The following ZNF804B variants were observed in gnomAD, a reference collection of about 807,000 sequenced individuals.
ZNF804B encodes the protein zinc finger 804B.
ZNF804B carries 80 observed loss-of-function variants against 101.4 expected under a neutral mutation model. The observed-to-expected ratio is 0.79, with a 90% CI of 0.66 to 0.95. The LOEUF is 0.95. Ranked by LOEUF, ZNF804B falls within the 40% of genes least tolerant of loss-of-function variation. ZNF804B has a pLI of 0.00. For missense variants in ZNF804B, 1,673 were observed against 1,561.9 expected (o/e 1.07, Z -1.20); for synonymous variants, 622 against 558.8 (o/e 1.11, Z -1.59).
chr7:89,032,700 A>G lies in ZNF804B; in HGVS notation c.109-185455A>G, dbSNP rs549751374. On this transcript the variant is annotated intron_variant, in intron 1 of 3. Coordinates refer to ENST00000333190, the MANE Select transcript of ZNF804B (RefSeq NM_181646.5). ...AGCCTTGAGGATGAAAGTCAGTTTG[A>G]AAATAAGAGAGACATCAGGGAGTAG... 2.8e-4 allele frequency among the ~76,000 whole-genome samples: 43 copies of G among 152,226 alleles called. 2 individuals carry two copies. The South Asian group carries it at 8.5e-3, about 30-fold the overall frequency.
chr7:89,151,030 A>G (rs1246005643), intron 1 of ZNF804B, among the ~76,000 whole-genome samples: 6 of 152,198 alleles, frequency 3.9e-5, no homozygotes, highest in Admixed American at 2.6e-4. Flanking sequence ...AGAACTATTA[A>G]TAGTACAGCT....
chr7:88,876,134 C>T (rs1285663306), intron 1 of ZNF804B, among the ~76,000 whole-genome samples: 1 of 152,034 alleles, frequency 6.6e-6, no homozygotes. Flanking sequence ...GAAATCATGT[C>T]CCCTCTTTAC....
intron 2 of ZNF804B, among the ~76,000 whole-genome samples, chr7:89,282,298 A>G (rs900948388): frequency 2.0e-5 from 3 of 152,044 alleles, no homozygotes; most frequent in Non-Finnish European, 2.9e-5. Flanking sequence ...TACCAAATTC[A>G]TGACTATGAA....
At chr7:89,178,314 T>TA (rs397752634) in intron 1 of ZNF804B, among the ~76,000 whole-genome samples, 2 of 143,642 alleles carry the variant, frequency 1.4e-5, no homozygotes, top group Non-Finnish European at 1.6e-5. Flanking sequence ...ATTTTTTTTT[T>TA]CTGGTGGTTT....
intron 1 of ZNF804B, among the ~76,000 whole-genome samples, chr7:88,880,102 G>A (rs1792010895): frequency 6.6e-6 from 1 of 151,814 alleles, no homozygotes; most frequent in South Asian, 2.1e-4. Flanking sequence ...AATAAAAGTT[G>A]TTCTGTGACA....
chr7:89,234,570 T>A (rs183030362), intron 2 of ZNF804B, among the ~76,000 whole-genome samples: 1 of 152,228 alleles, frequency 6.6e-6, no homozygotes, highest in East Asian at 1.9e-4. Context: ...GTGAGGGCAT[T>A]TCCAGAGGAA....
At chr7:88,948,473 C>T (rs992811226) in intron 1 of ZNF804B, among the ~76,000 whole-genome samples, 1 of 151,636 alleles carries the variant, frequency 6.6e-6, no homozygotes, top group Non-Finnish European at 1.5e-5. Flanking sequence ...AAAGAAATAC[C>T]TGGTAACTGA....
intron 1 of ZNF804B, among the ~76,000 whole-genome samples, chr7:88,850,448 T>C (rs1040917425): frequency 6.6e-6 from 1 of 152,110 alleles, no homozygotes; most frequent in African/African-American, 2.4e-5. Flanking sequence ...AGTGCGTGTA[T>C]ATGTGAAAAT....
At chr7:88,863,121 C>T (rs1562815755) in intron 1 of ZNF804B, among the ~76,000 whole-genome samples, 1 of 152,190 alleles carries the variant, frequency 6.6e-6, no homozygotes, top group Non-Finnish European at 1.5e-5. Flanking sequence ...CACTATGCTA[C>T]AGCAACACTT....
intron 2 of ZNF804B, among the ~76,000 whole-genome samples, chr7:89,303,674 A>T (rs1266871621): frequency 6.6e-6 from 1 of 151,952 alleles, no homozygotes; most frequent in East Asian, 1.9e-4. Flanking sequence ...ATTATATCTG[A>T]CATGTGAAAA....
rs1429786060 is a variant in ZNF804B, at chr7:89,298,257, T to TATAC, written c.250-29086_250-29085insTACA. On this transcript the variant is annotated intron_variant, in intron 2 of 3. Transcript: ENST00000333190. Reference sequence around the variant, plus strand: ...ATATATATATATATATATATATATATACTTTAAGTTCTAGGTTACATGTGC... The same window carrying TATAC: ...ATATATATATATATATATATATATATATACACTTTAAGTTCTAGGTTACATGTGC... Among the ~76,000 whole-genome samples the TATAC allele has an allele frequency of 3.9e-3, 420 of 108,212 alleles. 3 individuals carry two copies. Among genetic ancestry groups the TATAC allele is most frequent in the East Asian group, 0.022 (27 of 1,236 alleles). The allele number at this position is 108,212 out of a possible 152,430, so 71.0% of individuals were successfully genotyped here.
chr7:88,917,456 A>G (rs1301737411), intron 1 of ZNF804B, among the ~76,000 whole-genome samples: 2 of 152,042 alleles, frequency 1.3e-5, no homozygotes, highest in Admixed American at 6.6e-5. Flanking sequence ...TCTGTCATGA[A>G]CCTTCTATAG....
intron 1 of ZNF804B, among the ~76,000 whole-genome samples, chr7:89,033,704 T>A (rs1414375185): frequency 6.6e-6 from 1 of 152,114 alleles, no homozygotes; most frequent in Non-Finnish European, 1.5e-5. Flanking sequence ...AGGAAAAGAA[T>A]ACCTTTCCTG....
At chr7:89,003,728 G>A (rs1334914473) in intron 1 of ZNF804B, among the ~76,000 whole-genome samples, 1 of 151,772 alleles carries the variant, frequency 6.6e-6, no homozygotes, top group Non-Finnish European at 1.5e-5. Context: ...TGAGTGCCTC[G>A]TGCTGCCTCT....
Position 88,867,167 on chromosome 7 carries a change from G to A in ZNF804B, c.108+107083G>A, listed in dbSNP as rs550790765. ...TTGCTGTATTAGGGTTCTCCAGAGA[G>A]ACAGACCAATAGGAGATATATATAT... On this transcript the variant is annotated intron_variant, in intron 1 of 3. Transcript: ENST00000333190. Among the ~76,000 whole-genome samples, 14 of 152,286 alleles carry A rather than the reference G, an allele frequency of 9.2e-5. No individual in the cohort carries two copies. In the South Asian group the frequency reaches 2.9e-3, roughly 32 times the overall value.
chr7:89,321,959 G>A (rs1377524531), intron 2 of ZNF804B, among the ~76,000 whole-genome samples: 1 of 152,052 alleles, frequency 6.6e-6, no homozygotes, highest in Non-Finnish European at 1.5e-5. Context: ...GATGAAAAGT[G>A]GGATATTTCA....
At chr7:88,959,866 G>T (rs927025978) in intron 1 of ZNF804B, among the ~76,000 whole-genome samples, 2 of 151,390 alleles carry the variant, frequency 1.3e-5, no homozygotes, top group African/African-American at 4.8e-5. Flanking sequence ...CCTTTTACAG[G>T]TCATGCTCCT....
chr7:88,870,237 T>C (rs1027068471), intron 1 of ZNF804B, among the ~76,000 whole-genome samples: 2 of 149,942 alleles, frequency 1.3e-5, no homozygotes, highest in Admixed American at 1.3e-4. Context: ...ATACAAAAAT[T>C]AGCCGGGCAT....
At chr7:89,309,849 T>G (rs1229451159) in intron 2 of ZNF804B, among the ~76,000 whole-genome samples, 1 of 145,990 alleles carries the variant, frequency 6.8e-6, no homozygotes, top group East Asian at 2.1e-4. Flanking sequence ...CCTTCTGGCA[T>G]CATTTAATAA....
Sources: gnomAD v4.1 joint callset for allele counts (sites outside exome capture counted in the v4.1 genomes callset) on GRCh38, gnomAD v4.1.1 for gene constraint, MANE v1.5 for transcripts, NCBI Gene and HGNC (gene_info 2026-07-23, HGNC 2026-07-21) for gene names.